Variants in LPP observed in about 807,000 individuals in gnomAD.
The protein encoded by LPP is LIM domain containing preferred translocation partner in lipoma, also known as lipoma-preferred partner.
Under a neutral mutation model 60.4 loss-of-function variants are expected in LPP, and 38 were observed. The observed-to-expected ratio is 0.63, with a 90% CI of 0.49 to 0.83. The LOEUF is 0.83. Among genes scored for constraint, LPP ranks in the 40% least tolerant of loss-of-function variants. The pLI is 0.00. For synonymous variants in LPP, 328 were observed against 290.8 expected (o/e 1.13, Z -1.30); for missense variants, 902 against 783.6 (o/e 1.15, Z -1.80).
chr3:188,156,690 CG>C (rs994313667), intron 1 of LPP, among the ~76,000 whole-genome samples: 6 of 151,926 alleles, frequency 3.9e-5, no homozygotes, highest in Non-Finnish European at 5.9e-5. Flanking sequence ...AAAAATTAGC[CG>C]GGTGTGGTGG....
At chr3:188,401,773 GATGGGCAGAGCACC>G (rs2148817514) in intron 3 of LPP, among the ~76,000 whole-genome samples, 1 of 152,330 alleles carries the variant, frequency 6.6e-6, no homozygotes, top group South Asian at 2.1e-4. Context: ...CAGGAAAGCA[GATGGGCAGAGCACC>G]ATGTGACGAA....
At chr3:188,618,904 T>C (rs993766561) in intron 7 of LPP, among the ~76,000 whole-genome samples, 1 of 152,246 alleles carries the variant, frequency 6.6e-6, no homozygotes, top group Non-Finnish European at 1.5e-5. Flanking sequence ...TTTATGGATT[T>C]ATCAGTTAGC....
chr3:188,639,777 T>A (rs1849660189), intron 7 of LPP, among the ~76,000 whole-genome samples: 1 of 152,250 alleles, frequency 6.6e-6, no homozygotes, highest in Admixed American at 6.5e-5. Flanking sequence ...ATGCTCATCA[T>A]TACTGGCCAT....
intron 7 of LPP, among the ~76,000 whole-genome samples, chr3:188,682,713 G>A (rs1025331505): frequency 6.6e-6 from 1 of 152,180 alleles, no homozygotes; most frequent in Admixed American, 6.5e-5. Flanking sequence ...TGTACTGAAT[G>A]TCCAAGGATG....
chr3:188,269,364 A>T (rs555374891), intron 2 of LPP, among the ~76,000 whole-genome samples: 1 of 152,314 alleles, frequency 6.6e-6, no homozygotes, highest in African/African-American at 2.4e-5. Flanking sequence ...TCCTGCTCCG[A>T]TCATTCTTTC....
intron 1 of LPP, among the ~76,000 whole-genome samples, chr3:188,200,925 ATTTG>A (rs1317566813): frequency 4.6e-5 from 7 of 152,184 alleles, no homozygotes; most frequent in African/African-American, 1.2e-4. Context: ...TATGTTTAAT[ATTTG>A]TTTATTTATG....
chr3:188,463,926 G>A (rs1799741905), intron 4 of LPP, among the ~76,000 whole-genome samples: 1 of 152,158 alleles, frequency 6.6e-6, no homozygotes, highest in African/African-American at 2.4e-5. Context: ...CTTCTATGTT[G>A]CTTTTTACCT....
intron 1 of LPP, among the ~76,000 whole-genome samples, chr3:188,210,109 TA>T (rs1458180035): frequency 6.7e-6 from 1 of 149,124 alleles, no homozygotes; most frequent in African/African-American, 2.5e-5. Flanking sequence ...AAAATACAAA[TA>T]AAAAAACCAA....
intron 2 of LPP, among the ~76,000 whole-genome samples, chr3:188,281,634 A>G (rs1176528365): frequency 1.4e-5 from 2 of 147,748 alleles, no homozygotes; most frequent in Admixed American, 1.4e-4. Flanking sequence ...CTCCAAAGTC[A>G]TATTGCAAGG....
rs1433195175 is a variant in LPP, at chr3:188,250,774, CTT to C, written c.-67+25249_-67+25250del. Among the ~76,000 whole-genome samples, 198 of 113,424 alleles carry C rather than the reference CTT, an allele frequency of 1.7e-3. 1 individual carries two copies. The highest frequency in any genetic ancestry group is 4.3e-3 in the Middle Eastern group (1 of 232). 74.4% of individuals were successfully genotyped at this position (113,424 alleles called of 152,430 possible). A position where few individuals can be genotyped will look rare whatever the true frequency, so the allele number is the denominator to read the frequency against. On this transcript the variant is annotated intron_variant, in intron 2 of 11. Coordinates refer to ENST00000617246, the MANE Select transcript of LPP (RefSeq NM_001375462.1). ...TCTTTCTTTCTTTCTTTCTTTCTTTCTTTCTTTCTTTCTGTCTTTCTCTTTCT... is the reference window on the plus strand; with the variant it reads ...TCTTTCTTTCTTTCTTTCTTTCTTTCTCTTTCTTTCTGTCTTTCTCTTTCT...
chr3:188,165,239 G>A (rs1013734021), intron 1 of LPP, among the ~76,000 whole-genome samples: 4 of 151,878 alleles, frequency 2.6e-5, no homozygotes, highest in African/African-American at 9.7e-5. Flanking sequence ...TCATACCACT[G>A]CACTCCAGCT....
intron 6 of LPP, among the ~76,000 whole-genome samples, chr3:188,533,521 A>G (rs1232440702): frequency 6.6e-6 from 1 of 152,228 alleles, no homozygotes; most frequent in Non-Finnish European, 1.5e-5. Context: ...GGAGCTTTTC[A>G]TGATTTGCTG....
intron 2 of LPP, among the ~76,000 whole-genome samples, chr3:188,298,287 A>G (rs1273161257): frequency 6.6e-6 from 1 of 152,100 alleles, no homozygotes; most frequent in African/African-American, 2.4e-5. Context: ...TCCAGAATGG[A>G]TGCCGTTCTG....
chr3:188,563,107 A>G (rs1831130628), intron 6 of LPP, among the ~76,000 whole-genome samples: 1 of 151,958 alleles, frequency 6.6e-6, no homozygotes, highest in African/African-American at 2.4e-5. Flanking sequence ...CTAAAATGGT[A>G]GAACTGAGCC....
At chr3:188,507,867 C>T (rs1410116173) in intron 5 of LPP, among the ~76,000 whole-genome samples, 1 of 152,166 alleles carries the variant, frequency 6.6e-6, no homozygotes, top group Non-Finnish European at 1.5e-5. Flanking sequence ...GTAAAAGTTT[C>T]CCTGACTGCT....
chr3:188,390,259 T>A (rs1028670565), intron 3 of LPP, among the ~76,000 whole-genome samples: 1 of 152,150 alleles, frequency 6.6e-6, no homozygotes, highest in Non-Finnish European at 1.5e-5. Context: ...TGGACATCAT[T>A]GTTTGTCACA....
At chr3:188,443,753 C>T (rs901035378) in intron 4 of LPP, among the ~76,000 whole-genome samples, 5 of 152,144 alleles carry the variant, frequency 3.3e-5, no homozygotes, top group African/African-American at 1.2e-4. Flanking sequence ...ATACCATGTG[C>T]CTGACAGGAA....
intron 3 of LPP, among the ~76,000 whole-genome samples, chr3:188,342,488 A>T (rs144938717): frequency 6.6e-6 from 1 of 152,210 alleles, no homozygotes; most frequent in Non-Finnish European, 1.5e-5. Flanking sequence ...GTACCTTCTA[A>T]TGAGCTCTAC....
chr3:188,563,925 C>T (rs892560540), intron 6 of LPP, among the ~76,000 whole-genome samples: 1 of 151,710 alleles, frequency 6.6e-6, no homozygotes, highest in Non-Finnish European at 1.5e-5. Flanking sequence ...AGTTATTTTC[C>T]ATGGCACTGT....
Sources: gnomAD v4.1 joint callset for allele counts (sites outside exome capture counted in the v4.1 genomes callset) on GRCh38, gnomAD v4.1.1 for gene constraint, MANE v1.5 for transcripts, NCBI Gene and HGNC (gene_info 2026-07-23, HGNC 2026-07-21) for gene names.